Variants in GPC6 observed in about 807,000 individuals in gnomAD.
The protein encoded by GPC6 is glypican 6, also known as glypican-6.
GPC6 carries 14 observed loss-of-function variants against 55.2 expected under a neutral mutation model. That is an observed-to-expected ratio of 0.25 (90% CI 0.17 to 0.40). The LOEUF (loss-of-function observed/expected upper bound fraction) is 0.40. Among genes scored for constraint, GPC6 ranks in the 10% least tolerant of loss-of-function variants. The probability of loss-of-function intolerance (pLI) is 1.00; values close to 1 mark genes in which losing one functional copy is unlikely to be tolerated. For synonymous variants in GPC6, 278 were observed against 259.6 expected, an observed-to-expected ratio of 1.07 and a Z score of -0.68; for missense variants, 641 against 708.5, an observed-to-expected ratio of 0.90 and a Z score of 1.08.
chr13:93,861,045 G>T (rs1175202987), intron 3 of GPC6, among the ~76,000 whole-genome samples: 2 of 151,550 alleles, frequency 1.3e-5, no homozygotes, highest in African/African-American at 4.8e-5. Flanking sequence ...TGTATAAAAT[G>T]GGAATACTAA....
intron 3 of GPC6, among the ~76,000 whole-genome samples, chr13:93,882,835 A>G (rs978288846): frequency 2.6e-5 from 4 of 152,168 alleles, no homozygotes; most frequent in African/African-American, 9.7e-5. Context: ...GTGAATTACC[A>G]TAAACCTCAT....
At chr13:93,494,118 T>C (rs924614424) in intron 1 of GPC6, among the ~76,000 whole-genome samples, 2 of 114,826 alleles carry the variant, frequency 1.7e-5, no homozygotes, top group African/African-American at 6.7e-5. Flanking sequence ...ATGTTGACAG[T>C]GGGGTGTTAA....
At chr13:93,783,681 G>A (rs1885730893) in intron 2 of GPC6, among the ~76,000 whole-genome samples, 2 of 152,086 alleles carry the variant, frequency 1.3e-5, no homozygotes. Context: ...TCTCTGAAGA[G>A]TCACATGAAA....
chr13:93,299,850 G>A (rs1006432597), intron 1 of GPC6, among the ~76,000 whole-genome samples: 6 of 152,124 alleles, frequency 3.9e-5, no homozygotes, highest in South Asian at 4.1e-4. Context: ...TAAATTAATC[G>A]TATGAGTAGT....
chr13:93,344,627 A>G (rs1880370007), intron 1 of GPC6, among the ~76,000 whole-genome samples: 1 of 152,058 alleles, frequency 6.6e-6, no homozygotes, highest in African/African-American at 2.4e-5. Context: ...CCCGTGTCCT[A>G]TTTCCACTAT....
intron 3 of GPC6, among the ~76,000 whole-genome samples, chr13:93,887,561 C>T (rs765842118): frequency 3.3e-5 from 5 of 152,046 alleles, no homozygotes; most frequent in Non-Finnish European, 7.4e-5. Flanking sequence ...CTTATCAGTG[C>T]AGATAGCTGC....
chr13:93,560,768 A>C, intron 2 of GPC6, among the ~76,000 whole-genome samples: 1 of 36,000 alleles, frequency 2.8e-5, no homozygotes, highest in Admixed American at 4.9e-4. Flanking sequence ...TCCGCCTCCA[A>C]AAAAAAAAAA....
chr13:94,323,762 A>G (rs1473377757), intron 6 of GPC6, among the ~76,000 whole-genome samples: 1 of 152,238 alleles, frequency 6.6e-6, no homozygotes, highest in Non-Finnish European at 1.5e-5. Context: ...TCTCAAGAAC[A>G]TTTAAGTACA....
intron 2 of GPC6, among the ~76,000 whole-genome samples, chr13:93,736,730 G>A (rs892862905): frequency 4.6e-5 from 7 of 152,094 alleles, no homozygotes; most frequent in South Asian, 2.1e-4. Context: ...TCATTTGCAC[G>A]GAGATAGAGG....
chr13:93,590,430 T>C (rs943702319), intron 2 of GPC6, among the ~76,000 whole-genome samples: 1 of 152,160 alleles, frequency 6.6e-6, no homozygotes, highest in Non-Finnish European at 1.5e-5. Flanking sequence ...TTTAAAGAAG[T>C]ATAACTACAA....
intron 6 of GPC6, among the ~76,000 whole-genome samples, chr13:94,378,313 C>G (rs1879995576): frequency 1.3e-5 from 2 of 151,884 alleles, no homozygotes; most frequent in African/African-American, 4.8e-5. Flanking sequence ...TTTTTTAAGT[C>G]AGAAACTTGA....
At chr13:93,674,081 C>A (rs1881481333) in intron 2 of GPC6, among the ~76,000 whole-genome samples, 1 of 152,016 alleles carries the variant, frequency 6.6e-6, no homozygotes, top group African/African-American at 2.4e-5. Context: ...GAAAGACCAG[C>A]AGTAGAGATA....
At chr13:94,287,679 G>A (rs1402526053) in intron 5 of GPC6, among the ~76,000 whole-genome samples, 1 of 152,152 alleles carries the variant, frequency 6.6e-6, no homozygotes, top group Non-Finnish European at 1.5e-5. Context: ...ACCATCACCT[G>A]TTGGGGAAAT....
At chr13:94,255,136 G>A (rs897468026) in intron 4 of GPC6, among the ~76,000 whole-genome samples, 21 of 152,162 alleles carry the variant, frequency 1.4e-4, no homozygotes, top group Admixed American at 8.5e-4. Flanking sequence ...TCCCAGCCAT[G>A]TCCAAGCTGG....
At chr13:93,313,462 C>G (rs1254772889) in intron 1 of GPC6, among the ~76,000 whole-genome samples, 1 of 152,052 alleles carries the variant, frequency 6.6e-6, no homozygotes, top group Non-Finnish European at 1.5e-5. Flanking sequence ...ATATGAAACT[C>G]CTGAGATGAC....
chr13:94,061,099 T>A (rs1884306739), intron 4 of GPC6, among the ~76,000 whole-genome samples: 1 of 152,198 alleles, frequency 6.6e-6, no homozygotes, highest in South Asian at 2.1e-4. Flanking sequence ...ATGTAAGCAA[T>A]GGAGCATATT....
intron 7 of GPC6, among the ~76,000 whole-genome samples, chr13:94,393,367 A>C (rs1412850894): frequency 2.0e-5 from 3 of 152,180 alleles, no homozygotes; most frequent in Non-Finnish European, 4.4e-5. Flanking sequence ...GACGAGATGA[A>C]GTTTTGCTAA....
intron 1 of GPC6, among the ~76,000 whole-genome samples, chr13:93,425,544 G>C (rs181384335): frequency 2.0e-4 from 30 of 152,264 alleles, no homozygotes; most frequent in African/African-American, 6.0e-4. Flanking sequence ...CACAGCCAGC[G>C]GTCAAATCCC....
chr13:93,390,340 C>A (rs1875576039), intron 1 of GPC6, among the ~76,000 whole-genome samples: 1 of 152,076 alleles, frequency 6.6e-6, no homozygotes, highest in Admixed American at 6.6e-5. Context: ...ACTGAGGGCT[C>A]AGCTCTGTGT....
Sources: gnomAD v4.1 joint callset for allele counts (sites outside exome capture counted in the v4.1 genomes callset) on GRCh38, gnomAD v4.1.1 for gene constraint, MANE v1.5 for transcripts, NCBI Gene and HGNC (gene_info 2026-07-23, HGNC 2026-07-21) for gene names.